The following CCNY variants were observed in gnomAD, a reference collection of about 807,000 sequenced individuals.
CCNY encodes the protein cyclin Y.
Under a neutral mutation model 42.8 loss-of-function variants are expected in CCNY, and 19 were observed. That is an observed-to-expected ratio of 0.44 (90% CI 0.31 to 0.65). The LOEUF (loss-of-function observed/expected upper bound fraction) is 0.65. Among genes scored for constraint, CCNY ranks in the 30% least tolerant of loss-of-function variants. The pLI is 0.07. For synonymous variants in CCNY, 165 were observed against 162.7 expected (o/e 1.01, Z -0.11); for missense variants, 370 against 437.3 (o/e 0.85, Z 1.37).
rs376000684 is a variant in CCNY at position 35,566,229 on chromosome 10, T to C, written c.909+44T>C. On this transcript the variant is annotated intron_variant, in intron 9 of 9. Coordinates refer to ENST00000374704, the MANE Select transcript of CCNY (RefSeq NM_145012.6). ...GCGTTTTGTGGTGCAGTGTTGCCAA[T>C]ACATCATCTGAGTACCAGAGATGCA... 6.1e-4 allele frequency: 963 copies of C among 1,578,402 alleles called. 1 individual carries two copies. The highest frequency in any genetic ancestry group is 7.6e-4 in the Non-Finnish European group (888 of 1,161,636).
At chr10:35,337,409 G>C (rs1011090318) in intron 1 of CCNY, among the ~76,000 whole-genome samples, 12 of 152,210 alleles carry the variant, frequency 7.9e-5, no homozygotes, top group Admixed American at 3.9e-4. Context: ...GTGAGCGGCC[G>C]CGGAAACTTT....
At chr10:35,422,088 CA>C (rs765950083) in intron 1 of CCNY, among the ~76,000 whole-genome samples, 6 of 152,164 alleles carry the variant, frequency 3.9e-5, no homozygotes, top group African/African-American at 9.7e-5. Flanking sequence ...CTTTTTAAAA[CA>C]TTTTTTTGAC....
intron 1 of CCNY, among the ~76,000 whole-genome samples, chr10:35,247,763 C>T (rs2095709110): frequency 6.7e-6 from 1 of 149,468 alleles, no homozygotes; most frequent in African/African-American, 2.5e-5. Flanking sequence ...GTAGTCCCAG[C>T]TACTCGGGAG....
chr10:35,252,776 A>G (rs1325257930), intron 3 of CCNY, among the ~76,000 whole-genome samples: 1 of 152,132 alleles, frequency 6.6e-6, no homozygotes, highest in African/African-American at 2.4e-5. Context: ...GTTGTCATCC[A>G]AATGACTTTA....
intron 1 of CCNY, among the ~76,000 whole-genome samples, chr10:35,368,123 A>G (rs1836849153): frequency 6.6e-6 from 1 of 152,226 alleles, no homozygotes; most frequent in South Asian, 2.1e-4. Flanking sequence ...TGTTAGAACA[A>G]CGAGAACTGC....
intron 1 of CCNY, among the ~76,000 whole-genome samples, chr10:35,452,320 A>G (rs1347926011): frequency 1.3e-5 from 2 of 152,214 alleles, no homozygotes. Flanking sequence ...TGGTCTCTGC[A>G]TATACTTTCA....
At chr10:35,357,258 A>G (rs770505183) in intron 1 of CCNY, among the ~76,000 whole-genome samples, 33 of 128,892 alleles carry the variant, frequency 2.6e-4, no homozygotes, top group Non-Finnish European at 3.5e-4. Context: ...AATGTTTACC[A>G]CAGTCTGAAA....
chr10:35,541,195 A>G (rs1753887869), intron 7 of CCNY, among the ~76,000 whole-genome samples: 1 of 151,986 alleles, frequency 6.6e-6, no homozygotes. Flanking sequence ...TTATACTTTC[A>G]TTTCCATAGA....
intron 3 of CCNY, among the ~76,000 whole-genome samples, chr10:35,263,378 A>T (rs2095721840): frequency 6.7e-6 from 1 of 150,266 alleles, no homozygotes; most frequent in African/African-American, 2.4e-5. Context: ...AAAAAAAAAA[A>T]AAAAAATTAA....
chr10:35,511,006 T>G (rs1840314836), intron 3 of CCNY, among the ~76,000 whole-genome samples: 1 of 152,236 alleles, frequency 6.6e-6, no homozygotes, highest in African/African-American at 2.4e-5. Context: ...ACTTGGCTCC[T>G]TGATCTGCCT....
intron 1 of CCNY, among the ~76,000 whole-genome samples, chr10:35,467,450 C>G (rs1253757598): frequency 6.6e-6 from 1 of 152,064 alleles, no homozygotes; most frequent in Non-Finnish European, 1.5e-5. Context: ...CTGAATACCC[C>G]CTAGGGTGAA....
intron 7 of CCNY, among the ~76,000 whole-genome samples, chr10:35,545,993 G>A (rs1841107182): frequency 6.6e-6 from 1 of 152,084 alleles, no homozygotes; most frequent in African/African-American, 2.4e-5. Flanking sequence ...AGGGAGTTTA[G>A]GTAGCTACCC....
At chr10:35,383,952 G>GGA (rs201265805) in intron 1 of CCNY, among the ~76,000 whole-genome samples, 3,588 of 151,418 alleles carry the variant, frequency 0.024, 129 homozygotes, top group African/African-American at 0.082. Context: ...ATGAGAGTAA[G>GGA]AATATATATA....
intron 3 of CCNY, among the ~76,000 whole-genome samples, chr10:35,286,250 A>T (rs1288709868): frequency 2.0e-5 from 3 of 151,966 alleles, no homozygotes; most frequent in Admixed American, 2.0e-4. Flanking sequence ...CTTTTTGATG[A>T]TATCTCTCCA....
At chr10:35,266,099 A>G (rs939355497) in intron 3 of CCNY, among the ~76,000 whole-genome samples, 3 of 152,026 alleles carry the variant, frequency 2.0e-5, no homozygotes, top group Admixed American at 1.3e-4. Flanking sequence ...ATTTTTTGAG[A>G]TGGAGTCTTG....
chr10:35,543,810 G>C (rs1311111084), intron 7 of CCNY, among the ~76,000 whole-genome samples: 1 of 152,278 alleles, frequency 6.6e-6, no homozygotes, highest in African/African-American at 2.4e-5. Context: ...TGCCTCTGGA[G>C]ACCTGGCAGT....
At chr10:35,394,721 T>G (rs934191040) in intron 1 of CCNY, 2 of 322,806 alleles carry the variant, frequency 6.2e-6, no homozygotes, top group Non-Finnish European at 8.9e-6. Context: ...TAGTTCAAGA[T>G]TTTTGTTTGT....
intron 5 of CCNY, among the ~76,000 whole-genome samples, chr10:35,529,390 C>T (rs984885225): frequency 3.3e-5 from 5 of 152,008 alleles, no homozygotes; most frequent in African/African-American, 9.7e-5. Context: ...AAGTCATTTG[C>T]CTAGATTCGA....
intron 1 of CCNY, among the ~76,000 whole-genome samples, chr10:35,394,582 C>G (rs185326142): frequency 6.6e-6 from 1 of 152,188 alleles, no homozygotes; most frequent in African/African-American, 2.4e-5. Context: ...TTGTTTGGAC[C>G]GGTCAGAGGT....
Sources: allele counts gnomAD v4.1 joint callset (sites outside exome capture counted in the v4.1 genomes callset), GRCh38; gene constraint gnomAD v4.1.1; transcripts MANE v1.5; gene names NCBI Gene and HGNC (gene_info 2026-07-23, HGNC 2026-07-21).